Variants in SLC16A7 observed in about 807,000 individuals in gnomAD.
SLC16A7 encodes the protein monocarboxylate transporter 2.
Under a neutral mutation model 34.9 loss-of-function variants are expected in SLC16A7, and 33 were observed. The ratio of observed to expected loss-of-function variants is 0.94; its 90% CI spans 0.72 to 1.26. The LOEUF is 1.26. SLC16A7 is among the 50% of genes most tolerant of loss of function. SLC16A7 has a pLI of 0.00. For synonymous variants in SLC16A7, 201 were observed against 206.6 expected (o/e 0.97, Z 0.23); for missense variants, 573 against 578.1 (o/e 0.99, Z 0.09).
At chr12:59,665,071 T>C (rs1869083260) in intron 2 of SLC16A7, 1 of 152,150 alleles carries the variant, frequency 6.6e-6, no homozygotes, top group South Asian at 2.1e-4. Flanking sequence ...ATGAGAAACT[T>C]TATATATGCT....
intron 2 of SLC16A7, among the ~76,000 whole-genome samples, chr12:59,689,739 A>G (rs1007952880): frequency 6.6e-6 from 1 of 152,054 alleles, no homozygotes; most frequent in Non-Finnish European, 1.5e-5. Context: ...ATGCTTTCAA[A>G]TTGAGAAAAG....
intron 2 of SLC16A7, among the ~76,000 whole-genome samples, chr12:59,666,138 A>C (rs1869185140): frequency 6.6e-6 from 1 of 152,168 alleles, no homozygotes; most frequent in Non-Finnish European, 1.5e-5. Flanking sequence ...AAACAACAAC[A>C]GTTATTGGGA....
intron 2 of SLC16A7, among the ~76,000 whole-genome samples, chr12:59,701,088 T>C (rs1872819620): frequency 6.6e-6 from 1 of 151,780 alleles, no homozygotes; most frequent in Admixed American, 6.6e-5. Context: ...GCCACATATA[T>C]ATTTTTTCTC....
intron 4 of SLC16A7, among the ~76,000 whole-genome samples, chr12:59,773,085 A>C (rs527963774): frequency 3.7e-4 from 57 of 152,018 alleles, no homozygotes; most frequent in African/African-American, 1.3e-3. Context: ...CAGAATGGGG[A>C]AAATGATTGA....
intron 5 of SLC16A7, 152 bp from the exon 6 acceptor site, chr12:59,779,271 A>T (rs11173140): frequency 0.013 from 7,732 of 579,102 alleles, 403 homozygotes; most frequent in African/African-American, 0.13. Context: ...AAGCATATGT[A>T]GAAGTCATAA....
intron 2 of SLC16A7, among the ~76,000 whole-genome samples, chr12:59,684,871 C>A (rs1871030009): frequency 6.6e-6 from 1 of 152,048 alleles, no homozygotes; most frequent in Non-Finnish European, 1.5e-5. Flanking sequence ...GCCTACAGGT[C>A]TTTAGGGGGA....
chr12:59,690,964 T>A (rs1871581843), intron 2 of SLC16A7, among the ~76,000 whole-genome samples: 2 of 151,988 alleles, frequency 1.3e-5, no homozygotes, highest in Non-Finnish European at 2.9e-5. Context: ...ATATTTAATA[T>A]GAACAGAAGT....
intron 3 of SLC16A7, among the ~76,000 whole-genome samples, chr12:59,708,518 G>C (rs1162915495): frequency 6.6e-6 from 1 of 152,156 alleles, no homozygotes; most frequent in Non-Finnish European, 1.5e-5. Flanking sequence ...AATTTGGAGA[G>C]CAAAGGTGAA....
At chr12:59,633,084 T>C (rs1027776523) in intron 1 of SLC16A7, among the ~76,000 whole-genome samples, 2 of 152,098 alleles carry the variant, frequency 1.3e-5, no homozygotes, top group Middle Eastern at 6.8e-3. Context: ...TGACAAGATT[T>C]TGAGTTACAT....
Position 59,733,976 on chromosome 12 carries a change from G to A in SLC16A7, c.217+28958G>A, listed in dbSNP as rs375083172. On this transcript the variant is annotated intron_variant, in intron 3 of 5. Coordinates refer to ENST00000547379, the MANE Select transcript of SLC16A7 (RefSeq NM_001270623.2). ...TTTAAGGGGTCAGAAGGGAGGAAGTGCATGCTGATTGGTCTGTGGGCAGCC... is the reference window on the plus strand; with the variant it reads ...TTTAAGGGGTCAGAAGGGAGGAAGTACATGCTGATTGGTCTGTGGGCAGCC... 8 of 373,496 alleles carry A rather than the reference G, an allele frequency of 2.1e-5. No homozygotes were observed. The East Asian group carries it at 2.9e-4, about 14-fold the overall frequency. The allele number at this position is 373,496 out of a possible 1,614,324, so 23.1% of individuals were successfully genotyped here.
rs1274871197 is a variant in SLC16A7, at chr12:59,784,902, A to C, written c.*5223A>C. The C allele has an allele frequency of 2.0e-5, 3 of 152,188 alleles. No homozygotes were observed. In the East Asian group the frequency reaches 5.8e-4, roughly 29 times the overall value. 9.4% of individuals were successfully genotyped at this position (152,188 alleles called of 1,614,324 possible). On this transcript the variant is annotated 3_prime_UTR_variant, in exon 6 of 6. Coordinates refer to ENST00000547379, the MANE Select transcript of SLC16A7 (RefSeq NM_001270623.2). ...CTTACCATCACCACATTGCACCATT[A>C]TGTATTATTCTGTCTCCATCAATGC...
intron 1 of SLC16A7, among the ~76,000 whole-genome samples, chr12:59,604,041 T>G (rs1174930118): frequency 6.6e-6 from 1 of 152,272 alleles, no homozygotes; most frequent in Non-Finnish European, 1.5e-5. Flanking sequence ...CTCTATCAAT[T>G]TAACATATTC....
At chr12:59,625,024 T>C (rs1879866904) in intron 1 of SLC16A7, among the ~76,000 whole-genome samples, 1 of 151,776 alleles carries the variant, frequency 6.6e-6, no homozygotes, top group Non-Finnish European at 1.5e-5. Flanking sequence ...TTTCAGTTAG[T>C]TTTATTCTCT....
chr12:59,736,246 TA>T (rs1484683223), intron 3 of SLC16A7, among the ~76,000 whole-genome samples: 1 of 152,040 alleles, frequency 6.6e-6, no homozygotes, highest in Non-Finnish European at 1.5e-5. Context: ...GGAGGCAAAA[TA>T]ATAAAAATTG....
At chr12:59,600,598 G>T (rs1376078220) in intron 1 of SLC16A7, among the ~76,000 whole-genome samples, 2 of 152,108 alleles carry the variant, frequency 1.3e-5, no homozygotes, top group East Asian at 3.9e-4. Context: ...GCCTAAAATG[G>T]ACCATTGTCG....
chr12:59,767,208 G>C (rs184886020), intron 3 of SLC16A7, among the ~76,000 whole-genome samples: 23 of 151,344 alleles, frequency 1.5e-4, no homozygotes, highest in African/African-American at 3.1e-4. Flanking sequence ...TGATTCATGA[G>C]GTTTAAGGAA....
chr12:59,717,461 T>C (rs1875051170), intron 3 of SLC16A7, among the ~76,000 whole-genome samples: 2 of 152,218 alleles, frequency 1.3e-5, no homozygotes, highest in Non-Finnish European at 2.9e-5. Flanking sequence ...AAATGAACTG[T>C]AAGTCCTTCT....
intron 3 of SLC16A7, among the ~76,000 whole-genome samples, chr12:59,755,522 TAAA>T (rs1242836632): frequency 6.6e-6 from 1 of 152,116 alleles, no homozygotes; most frequent in Non-Finnish European, 1.5e-5. Context: ...CAAAGAGGAA[TAAA>T]ATACCTAGGA....
chr12:59,647,244 A>AATCCCC (rs1293293192), intron 1 of SLC16A7, among the ~76,000 whole-genome samples: 4 of 152,100 alleles, frequency 2.6e-5, no homozygotes, highest in African/African-American at 9.7e-5. Context: ...TAGTTCCCAT[A>AATCCCC]ATCCCCATGT....
Sources: allele counts gnomAD v4.1 joint callset (sites outside exome capture counted in the v4.1 genomes callset), GRCh38; gene constraint gnomAD v4.1.1; transcripts MANE v1.5; gene names NCBI Gene and HGNC (gene_info 2026-07-23, HGNC 2026-07-21).